Variants in SLC4A7 observed in about 807,000 individuals in gnomAD.
SLC4A7 encodes the protein solute carrier family 4 member 7, also known as sodium bicarbonate cotransporter 3.
SLC4A7 carries 51 observed loss-of-function variants against 137.6 expected under a neutral mutation model. That is an observed-to-expected ratio of 0.37 (90% CI 0.30 to 0.47). The LOEUF (loss-of-function observed/expected upper bound fraction) is 0.47. Ranked by LOEUF, SLC4A7 falls within the 20% of genes least tolerant of loss-of-function variation. The pLI is 1.00. For missense variants in SLC4A7, 1,247 were observed against 1,525.4 expected, an observed-to-expected ratio of 0.82 and a Z score of 3.04; for synonymous variants, 542 against 518.6, an observed-to-expected ratio of 1.05 and a Z score of -0.61.
chr3:27,458,069 A>G (rs73822313), intron 1 of SLC4A7, among the ~76,000 whole-genome samples: 4,664 of 152,230 alleles, frequency 0.031, 249 homozygotes, highest in African/African-American at 0.11. Flanking sequence ...TTAACCAGTG[A>G]TTTTTCTCCA....
intron 15 of SLC4A7, 174 bp from the exon 16 acceptor site, chr3:27,401,043 T>C: frequency 2.2e-6 from 1 of 450,780 alleles, no homozygotes; most frequent in Non-Finnish European, 3.9e-6. Context: ...AAAGTTTGGG[T>C]TATAGAAATA....
intron 20 of SLC4A7, among the ~76,000 whole-genome samples, 155 bp downstream of exon 20, chr3:27,394,363 C>T (rs111725667): frequency 0.011 from 1,627 of 151,782 alleles, 10 homozygotes; most frequent in South Asian, 0.02. Flanking sequence ...GAAATGCTTG[C>T]TATACTAAAA....
chr3:27,414,184 G>A (rs2054168993), intron 11 of SLC4A7, among the ~76,000 whole-genome samples: 1 of 152,152 alleles, frequency 6.6e-6, no homozygotes, highest in South Asian at 2.1e-4. Context: ...GGAGGCTGAG[G>A]CAGGAGAATC....
rs779981177 is a variant in SLC4A7, at chr3:27,383,209, G to A, written c.3534C>T (p.His1178=). Reference sequence around the variant, plus strand: ...AGAGACTTCCCCCTTCAAATGGAAGGTGCACAGTATCATCATCATCTTGAA... The same window carrying A: ...AGAGACTTCCCCCTTCAAATGGAAGATGCACAGTATCATCATCATCTTGAA... ...RMLQDDDDTV[H]LPFEGGSLLQ... is the part of the protein sequence containing the mutation. Residue 1178 remains histidine, a synonymous_variant, in exon 24 of 26, where the codon CAC becomes CAT. Transcript: ENST00000454389. The A allele has an allele frequency of 3.1e-6, 5 of 1,613,238 alleles. No homozygotes were observed. Among genetic ancestry groups the A allele is most frequent in the Non-Finnish European group, 4.2e-6 (5 of 1,179,298 alleles).
At chr3:27,433,829 A>T in intron 6 of SLC4A7, 87 bp downstream of exon 6, 1 of 1,177,472 alleles carries the variant, frequency 8.5e-7, no homozygotes, top group African/African-American at 1.5e-5. Flanking sequence ...GTGAGTGTTT[A>T]AATATCCCCA....
In SLC4A7 at chr3:27,375,386, G is replaced by T. The variant is rs1162596397; in HGVS notation, c.*1378C>A. 1 of 152,198 alleles carries T rather than the reference G, an allele frequency of 6.6e-6. No individual in the cohort carries two copies. The highest frequency in any genetic ancestry group is 1.5e-5 in the Non-Finnish European group (1 of 67,868). The allele number at this position is 152,198 out of a possible 1,614,324, so 9.4% of individuals were successfully genotyped here. A position where few individuals can be genotyped will look rare whatever the true frequency, so the allele number is the denominator to read the frequency against. ...TCAGTTTCACAACCCCATTCATCCA[G>T]TCCTACAGGCTTAACAACATTTATT... On this transcript the variant is annotated 3_prime_UTR_variant, in exon 26 of 26. Coordinates refer to ENST00000454389, the MANE Select transcript of SLC4A7 (RefSeq NM_001321103.2).
intron 2 of SLC4A7, among the ~76,000 whole-genome samples, chr3:27,451,989 T>C (rs1274986589): frequency 6.6e-6 from 1 of 152,138 alleles, no homozygotes; most frequent in Non-Finnish European, 1.5e-5. Context: ...ATAACTCAGT[T>C]GCTCTACAAC....
chr3:27,447,641 T>C (rs1175290009), intron 3 of SLC4A7, among the ~76,000 whole-genome samples: 2 of 34,746 alleles, frequency 5.8e-5, no homozygotes, highest in East Asian at 3.9e-4. Flanking sequence ...TTTACAGCCC[T>C]TTTTTTTTTT....
chr3:27,399,022 A>C (rs1186179235), intron 16 of SLC4A7, among the ~76,000 whole-genome samples: 1 of 150,972 alleles, frequency 6.6e-6, no homozygotes, highest in East Asian at 1.9e-4. Context: ...AAAAAAAAAA[A>C]CTGAAAGGCA....
chr3:27,378,896 G>T, intron 25 of SLC4A7, among the ~76,000 whole-genome samples: 1 of 151,824 alleles, frequency 6.6e-6, no homozygotes, highest in Non-Finnish European at 1.5e-5. Context: ...TGATAAAATA[G>T]CTCAGATTAT....
At chr3:27,417,985 T>C (rs1184257956) in intron 11 of SLC4A7, among the ~76,000 whole-genome samples, 1 of 152,108 alleles carries the variant, frequency 6.6e-6, no homozygotes, top group Non-Finnish European at 1.5e-5. Context: ...AGCAATCCTA[T>C]TACTGGGGAT....
At chr3:27,428,475 G>T (rs1270345554) in intron 7 of SLC4A7, among the ~76,000 whole-genome samples, 2 of 152,206 alleles carry the variant, frequency 1.3e-5, no homozygotes, top group Admixed American at 1.3e-4. Context: ...TAGCCATGAA[G>T]CTTCTATTTG....
rs188652717 is a variant in SLC4A7 at position 27,452,421 on chromosome 3, T to C, written c.138A>G (p.Leu46=). The change falls in exon 2 of 26, where the codon CTA becomes CTG. Residue 46 remains leucine, a synonymous_variant. Transcript: ENST00000454389. ...AGTTATTTTAAACCAACTTACTTTC[T>C]AGTTCTTCTTTTTCAAACTTGGTGT... The part of the protein sequence containing the change: ...TVNTKFEKEE[L]ESHRAVYIGV... The C allele has an allele frequency of 3.6e-5, 57 of 1,596,758 alleles. No individual in the cohort carries two copies. The highest frequency in any genetic ancestry group is 3.0e-4 in the Admixed American group (17 of 56,576).
At chr3:27,448,126 C>T (rs2057798831) in intron 3 of SLC4A7, among the ~76,000 whole-genome samples, 1 of 150,666 alleles carries the variant, frequency 6.6e-6, no homozygotes, top group Non-Finnish European at 1.5e-5. Context: ...GCACAAGAAT[C>T]GCTTGAACCC....
At chr3:27,462,422 C>G (rs545646054) in intron 1 of SLC4A7, 1 of 152,190 alleles carries the variant, frequency 6.6e-6, no homozygotes, top group Non-Finnish European at 1.5e-5. Context: ...ACATTATGTT[C>G]CTGAGTCATT....
Position 27,448,704 on chromosome 3 carries a change from C to T in SLC4A7, c.236G>A (p.Arg79Lys). The T allele has an allele frequency of 1.9e-6, 3 of 1,612,964 alleles. No individual in the cohort carries two copies. Among genetic ancestry groups the T allele is most frequent in the Non-Finnish European group, 2.5e-6 (3 of 1,179,204 alleles). The change falls in exon 3 of 26, where the codon AGA (arginine) becomes AAA (lysine). Residue 79 changes from arginine to lysine, a missense_variant. By Grantham distance (26) the Arg-to-Lys change is conservative. Transcript: ENST00000454389. ...TTTATCTGATTCTTTATCTTTTCTT[C>T]TCCGGTGGTGATGTTTGTGTCCGCG... is the stretch of plus-strand genomic sequence containing the variant. ...RHRGHKHHHR[R>K]RKDKESDKED...
chr3:27,419,092 TG>T lies in SLC4A7; in HGVS notation c.1513-461del, dbSNP rs2054673505. Among the ~76,000 whole-genome samples the T allele has an allele frequency of 2.6e-5, 4 of 152,164 alleles. No homozygotes were observed. In the South Asian group the frequency reaches 8.3e-4, roughly 31 times the overall value. On this transcript the variant is annotated intron_variant, in intron 10 of 25. Transcript: ENST00000454389. ...ATTCTAAGCATTGTGGATAATGCAA[TG>T]GTGACAGGTAAGGCAAGGTCCCTAT...
chr3:27,395,376 C>A (rs1033763999), intron 18 of SLC4A7, among the ~76,000 whole-genome samples: 5 of 152,138 alleles, frequency 3.3e-5, no homozygotes, highest in African/African-American at 1.2e-4. Context: ...CCAGGATGAC[C>A]CTGTGACTTA....
intron 10 of SLC4A7, among the ~76,000 whole-genome samples, chr3:27,419,294 C>T (rs1002235245): frequency 3.3e-5 from 5 of 151,926 alleles, no homozygotes; most frequent in African/African-American, 1.2e-4. Flanking sequence ...ACTGACCAGG[C>T]ACGGTGGCTC....
Sources: gnomAD v4.1 joint callset for allele counts (sites outside exome capture counted in the v4.1 genomes callset) on GRCh38, gnomAD v4.1.1 for gene constraint, MANE v1.5 for transcripts, NCBI Gene and HGNC (gene_info 2026-07-23, HGNC 2026-07-21) for gene names.